Variants in TECRL observed in about 807,000 individuals in gnomAD.
The protein encoded by TECRL is trans-2,3-enoyl-CoA reductase like.
In TECRL, 63 loss-of-function variants were observed where a neutral mutation model predicts 52.8. That is an observed-to-expected ratio of 1.19 (90% CI 0.97 to 1.47). The LOEUF (loss-of-function observed/expected upper bound fraction) is 1.47. Among genes scored for constraint, TECRL ranks in the 40% most tolerant of loss-of-function variants. The pLI is 0.00. For missense variants in TECRL, 482 were observed against 429.6 expected, an observed-to-expected ratio of 1.12 and a Z score of -1.08; for synonymous variants, 164 against 141.9, an observed-to-expected ratio of 1.16 and a Z score of -1.10.
At chr4:64,357,128 C>T (rs1720829751) in intron 2 of TECRL, among the ~76,000 whole-genome samples, 2 of 151,942 alleles carry the variant, frequency 1.3e-5, no homozygotes, top group South Asian at 4.1e-4. Flanking sequence ...TATCACCCTC[C>T]TATGCGTTAA....
chr4:64,303,676 G>T (rs1206878166), intron 7 of TECRL, among the ~76,000 whole-genome samples: 1 of 151,676 alleles, frequency 6.6e-6, no homozygotes, highest in African/African-American at 2.4e-5. Flanking sequence ...TACCTAATAG[G>T]AAGCCTTAAT....
At chr4:64,340,193 A>T (rs1275574636) in intron 2 of TECRL, among the ~76,000 whole-genome samples, 1 of 152,062 alleles carries the variant, frequency 6.6e-6, no homozygotes, top group Non-Finnish European at 1.5e-5. Flanking sequence ...CGGGAGATTC[A>T]CCCCTTATAA....
At chr4:64,316,690 C>T (rs1017013403) in intron 4 of TECRL, among the ~76,000 whole-genome samples, 10 of 152,108 alleles carry the variant, frequency 6.6e-5, no homozygotes, top group African/African-American at 2.2e-4. Context: ...AAACCAAGTA[C>T]ATCGCAAGAA....
At chr4:64,301,567 A>C (rs1461665195) in intron 7 of TECRL, among the ~76,000 whole-genome samples, 1 of 151,296 alleles carries the variant, frequency 6.6e-6, no homozygotes, top group Non-Finnish European at 1.5e-5. Flanking sequence ...TACTAATCAC[A>C]TGATAACAAA....
chr4:64,362,173 T>A (rs1484287076), intron 2 of TECRL, among the ~76,000 whole-genome samples: 1 of 152,072 alleles, frequency 6.6e-6, no homozygotes, highest in Non-Finnish European at 1.5e-5. Flanking sequence ...TTTTTAAATA[T>A]GAGCAAAACC....
chr4:64,400,335 C>A (rs550808031), intron 1 of TECRL, among the ~76,000 whole-genome samples: 3 of 152,168 alleles, frequency 2.0e-5, no homozygotes, highest in Admixed American at 6.5e-5. Flanking sequence ...ATGTAACTAA[C>A]TTGTTTTTGA....
At chr4:64,329,717 A>G (rs1240839418) in intron 2 of TECRL, among the ~76,000 whole-genome samples, 4 of 151,840 alleles carry the variant, frequency 2.6e-5, no homozygotes, top group Admixed American at 2.6e-4. Context: ...AAGTAATTTT[A>G]TTTGGTTAAA....
At chr4:64,319,073 A>C (rs1055075476) in intron 4 of TECRL, among the ~76,000 whole-genome samples, 3 of 151,888 alleles carry the variant, frequency 2.0e-5, no homozygotes, top group Non-Finnish European at 3.0e-5. Flanking sequence ...CAAATGTAAA[A>C]ATGTATATTA....
rs976413469 is a variant in TECRL, at chr4:64,391,881, G to A, written c.235-16658C>T. Among the ~76,000 whole-genome samples, 3 of 151,834 alleles carry A rather than the reference G, an allele frequency of 2.0e-5. No homozygotes were observed. In the South Asian group the frequency reaches 6.2e-4, roughly 31 times the overall value. ...CTGCTGTCACACTGTCTTTGTTACAGGTTCTTCTAATGATTGAAGGATCTT... is the reference window on the plus strand; with the variant it reads ...CTGCTGTCACACTGTCTTTGTTACAAGTTCTTCTAATGATTGAAGGATCTT... On this transcript the variant is annotated intron_variant, in intron 1 of 11. Coordinates refer to ENST00000381210, the MANE Select transcript of TECRL (RefSeq NM_001010874.5).
downstream of TECRL, chr4:64,276,588 CCAAA>C (rs1225886897): frequency 2.0e-5 from 3 of 151,976 alleles, no homozygotes; most frequent in Non-Finnish European, 4.4e-5. Flanking sequence ...TCTTTCCCCA[CCAAA>C]CACACTGATA....
chr4:64,303,647 G>A (rs1246295379), intron 7 of TECRL, among the ~76,000 whole-genome samples: 2 of 151,790 alleles, frequency 1.3e-5, no homozygotes, highest in African/African-American at 4.8e-5. Flanking sequence ...GAGATAAAAT[G>A]TGCCAACCAT....
chr4:64,313,105 C>A (rs1339799721), intron 5 of TECRL, among the ~76,000 whole-genome samples: 7 of 152,114 alleles, frequency 4.6e-5, no homozygotes, highest in Admixed American at 1.3e-4. Context: ...CGAACTAACA[C>A]AGTAGCTAAT....
chr4:64,374,068 T>G (rs975558475), intron 2 of TECRL, among the ~76,000 whole-genome samples: 3 of 96,442 alleles, frequency 3.1e-5, no homozygotes, highest in African/African-American at 1.2e-4. Flanking sequence ...TATATATATA[T>G]ATATATATAT....
At chr4:64,355,266 A>G (rs1194522478) in intron 2 of TECRL, among the ~76,000 whole-genome samples, 3 of 152,124 alleles carry the variant, frequency 2.0e-5, no homozygotes, top group Non-Finnish European at 4.4e-5. Context: ...ATGTGTTAAA[A>G]ATTAAAACGA....
rs183046687 is a variant in TECRL at position 64,288,537 on chromosome 4, A to G, written c.832+1173T>C. On this transcript the variant is annotated intron_variant, in intron 9 of 11. Transcript: ENST00000381210. ...TTGAAGTGTTGTCTTTTCTTATTCTATGTAAGAACAATGAACCATTTCTTG... is the reference window on the plus strand; with the variant it reads ...TTGAAGTGTTGTCTTTTCTTATTCTGTGTAAGAACAATGAACCATTTCTTG... 1.6e-4 allele frequency among the ~76,000 whole-genome samples: 25 copies of G among 152,254 alleles called. No individual in the cohort carries two copies. In the East Asian group the frequency reaches 4.3e-3, roughly 26 times the overall value.
At chr4:64,385,047 G>T (rs551892797) in intron 1 of TECRL, among the ~76,000 whole-genome samples, 1 of 152,306 alleles carries the variant, frequency 6.6e-6, no homozygotes, top group South Asian at 2.1e-4. Context: ...GGGTGGATCT[G>T]CTGTCAGGTT....
Position 64,319,251 on chromosome 4 carries a change from T to A in TECRL, c.435+3438A>T, listed in dbSNP as rs59320582. 7.3e-5 allele frequency among the ~76,000 whole-genome samples: 11 copies of A among 151,704 alleles called. No homozygotes were observed. The East Asian group carries it at 2.1e-3, about 29-fold the overall frequency. On this transcript the variant is annotated intron_variant, in intron 4 of 11. Coordinates refer to ENST00000381210, the MANE Select transcript of TECRL (RefSeq NM_001010874.5). Reference sequence around the variant, plus strand: ...AGAGAAATAAGGGTTATAGAACACGTGAGACAAATTGAAGAAAATTAGATT... The same window carrying A: ...AGAGAAATAAGGGTTATAGAACACGAGAGACAAATTGAAGAAAATTAGATT...
chr4:64,317,144 G>A (rs1423622429), intron 4 of TECRL, among the ~76,000 whole-genome samples: 1 of 152,094 alleles, frequency 6.6e-6, no homozygotes. Flanking sequence ...CGGGCGTGGT[G>A]GCAGGTGCCT....
chr4:64,312,609 T>A (rs1329759043), intron 5 of TECRL, among the ~76,000 whole-genome samples: 2 of 151,876 alleles, frequency 1.3e-5, no homozygotes, highest in Admixed American at 6.6e-5. Context: ...AATTTTTTTT[T>A]AAGCATTAGC....
Sources: gnomAD v4.1 joint callset for allele counts (sites outside exome capture counted in the v4.1 genomes callset) on GRCh38, gnomAD v4.1.1 for gene constraint, MANE v1.5 for transcripts, NCBI Gene and HGNC (gene_info 2026-07-23, HGNC 2026-07-21) for gene names.